Variants in SERINC5 observed in about 807,000 individuals in gnomAD.
SERINC5 encodes the protein chromosome 5 open reading frame 12.
In SERINC5, 41 loss-of-function variants were observed where a neutral mutation model predicts 63.1. That is an observed-to-expected ratio of 0.65 (90% CI 0.51 to 0.84). The LOEUF (loss-of-function observed/expected upper bound fraction) is 0.84. SERINC5 is among the 40% of genes least tolerant of loss of function. The probability of loss-of-function intolerance (pLI) is 0.00; values close to 1 mark genes in which losing one functional copy is unlikely to be tolerated. For synonymous variants in SERINC5, 222 were observed against 215.2 expected (o/e 1.03, Z -0.28); for missense variants, 523 against 573.0 (o/e 0.91, Z 0.89).
chr5:80,153,553 G>A (rs943967892), intron 8 of SERINC5, among the ~76,000 whole-genome samples: 3 of 151,942 alleles, frequency 2.0e-5, no homozygotes, highest in Admixed American at 6.6e-5. Flanking sequence ...ACTGTTTGGT[G>A]AGCACAGCAC....
At chr5:80,202,805 C>A in intron 2 of SERINC5, 81 bp downstream of exon 2, 4 of 1,396,426 alleles carry the variant, frequency 2.9e-6, no homozygotes, top group Non-Finnish European at 3.9e-6. Flanking sequence ...GGTACATGGA[C>A]CCCATCTTCT....
In SERINC5 at chr5:80,140,529, C is replaced by T. The variant is rs984377082; in HGVS notation, c.*3134G>A. On this transcript the variant is annotated 3_prime_UTR_variant, in exon 12 of 12. Coordinates refer to ENST00000507668, the MANE Select transcript of SERINC5 (RefSeq NM_001174072.3). Reference sequence around the variant, plus strand: ...TCAAAGAGGCTCCAAATACCTCTGGCAAATAATTTCTTTTTCAGACAAAAT... The same window carrying T: ...TCAAAGAGGCTCCAAATACCTCTGGTAAATAATTTCTTTTTCAGACAAAAT... 1 of 983,758 alleles carries T rather than the reference C, an allele frequency of 1.0e-6. No individual in the cohort carries two copies. The highest frequency in any genetic ancestry group is 1.2e-6 in the Non-Finnish European group (1 of 829,466). 60.9% of individuals were successfully genotyped at this position (983,758 alleles called of 1,614,324 possible).
chr5:80,198,074 G>C (rs145149888), intron 2 of SERINC5, among the ~76,000 whole-genome samples: 21,113 of 151,986 alleles, frequency 0.14, 2,296 homozygotes, highest in East Asian at 0.5. Flanking sequence ...TCTTGACCTT[G>C]TGATCCGCCC....
chr5:80,127,024 T>C (rs1312994064), intron 11 of SERINC5, among the ~76,000 whole-genome samples: 4 of 152,208 alleles, frequency 2.6e-5, no homozygotes, highest in Non-Finnish European at 5.9e-5. Context: ...CAATCACTTC[T>C]GTAAGTTAGG....
chr5:80,201,038 G>A (rs1240027946), intron 2 of SERINC5, among the ~76,000 whole-genome samples: 1 of 152,102 alleles, frequency 6.6e-6, no homozygotes, highest in Non-Finnish European at 1.5e-5. Context: ...GGCGGAGGCT[G>A]CAGTGGGCTG....
chr5:80,158,304 T>G (rs552815112), intron 8 of SERINC5: 2 of 152,878 alleles, frequency 1.3e-5, no homozygotes, highest in East Asian at 3.9e-4. Flanking sequence ...CTTTGCCGAG[T>G]GAACAACAGC....
chr5:80,129,542 C>T (rs908114858), intron 11 of SERINC5, among the ~76,000 whole-genome samples: 1 of 152,182 alleles, frequency 6.6e-6, no homozygotes, highest in Non-Finnish European at 1.5e-5. Context: ...CTCCTGGCCT[C>T]ACGTGATCCT....
At chr5:80,249,111 G>A (rs1436061419) in intron 1 of SERINC5, among the ~76,000 whole-genome samples, 8 of 151,992 alleles carry the variant, frequency 5.3e-5, no homozygotes, top group East Asian at 2.0e-4. Flanking sequence ...TCAGGAGATC[G>A]AGACCATCCT....
chr5:80,195,988 T>G (rs1013039574), intron 2 of SERINC5, among the ~76,000 whole-genome samples: 2 of 152,136 alleles, frequency 1.3e-5, no homozygotes, highest in African/African-American at 4.8e-5. Flanking sequence ...TGGGAACTAC[T>G]CAAGTTCAAA....
intron 12 of SERINC5, among the ~76,000 whole-genome samples, chr5:80,113,251 C>G (rs1014072198): frequency 1.3e-5 from 2 of 152,174 alleles, no homozygotes; most frequent in African/African-American, 4.8e-5. Context: ...ACAAATTCAT[C>G]CCCTCTAGCC....
intron 2 of SERINC5, among the ~76,000 whole-genome samples, chr5:80,185,997 T>C (rs1370840400): frequency 2.0e-5 from 3 of 151,976 alleles, no homozygotes; most frequent in Admixed American, 2.0e-4. Flanking sequence ...GTACATTACA[T>C]GATCCACAAA....
chr5:80,182,487 C>T (rs1748496861), intron 2 of SERINC5, among the ~76,000 whole-genome samples: 1 of 151,468 alleles, frequency 6.6e-6, no homozygotes, highest in South Asian at 2.1e-4. Flanking sequence ...TCCCAGAGGC[C>T]CCAAGCCCCT....
intron 11 of SERINC5, among the ~76,000 whole-genome samples, chr5:80,121,590 A>T (rs1390525089): frequency 6.6e-6 from 1 of 152,062 alleles, no homozygotes; most frequent in African/African-American, 2.4e-5. Context: ...TCTATTTTAC[A>T]ACTAACCTAT....
At chr5:80,192,290 C>T (rs1414725185) in intron 2 of SERINC5, among the ~76,000 whole-genome samples, 1 of 152,164 alleles carries the variant, frequency 6.6e-6, no homozygotes, top group Non-Finnish European at 1.5e-5. Context: ...AATCAAGAGC[C>T]AAAAGAGCAG....
At chr5:80,215,748 T>G (rs186961203) in intron 1 of SERINC5, among the ~76,000 whole-genome samples, 6 of 152,274 alleles carry the variant, frequency 3.9e-5, no homozygotes, top group Non-Finnish European at 8.8e-5. Flanking sequence ...AACATTTCCA[T>G]GAAACAAACA....
intron 2 of SERINC5, among the ~76,000 whole-genome samples, chr5:80,184,798 T>C (rs4704624): frequency 0.58 from 88,248 of 152,036 alleles, 26,011 homozygotes; most frequent in East Asian, 0.82. Context: ...GTGAAAGGAA[T>C]GTGCCTGCTA....
chr5:80,142,434 T>C lies in SERINC5; in HGVS notation c.*1229A>G, dbSNP rs1745566614. 2 of 937,096 alleles carry C rather than the reference T, an allele frequency of 2.1e-6. No individual in the cohort carries two copies. Among genetic ancestry groups the C allele is most frequent in the Non-Finnish European group, 2.5e-6 (2 of 785,924 alleles). 58.0% of individuals were successfully genotyped at this position (937,096 alleles called of 1,614,324 possible). On this transcript the variant is annotated 3_prime_UTR_variant, in exon 12 of 12. Transcript: ENST00000507668. ...TTTTAATAGAGACAGGGTTTCACCATGTTAGCCAGGCTGGTCTTGCAACTC... is the reference window on the plus strand; with the variant it reads ...TTTTAATAGAGACAGGGTTTCACCACGTTAGCCAGGCTGGTCTTGCAACTC...
intron 1 of SERINC5, among the ~76,000 whole-genome samples, chr5:80,248,296 C>T (rs189255043): frequency 1.3e-5 from 2 of 152,154 alleles, no homozygotes; most frequent in African/African-American, 2.4e-5. Context: ...GTGACTTGAA[C>T]GACTTGAACA....
At chr5:80,216,132 G>A (rs971067277) in intron 1 of SERINC5, among the ~76,000 whole-genome samples, 1 of 152,164 alleles carries the variant, frequency 6.6e-6, no homozygotes, top group African/African-American at 2.4e-5. Context: ...GAAAACAAAC[G>A]TTCCTCAGGG....
Sources: allele counts gnomAD v4.1 joint callset (sites outside exome capture counted in the v4.1 genomes callset), GRCh38; gene constraint gnomAD v4.1.1; transcripts MANE v1.5; gene names NCBI Gene and HGNC (gene_info 2026-07-23, HGNC 2026-07-21).